Variants in IQCM observed in about 807,000 individuals in gnomAD.
IQCM encodes the protein IQ motif containing M, also known as IQ domain-containing protein M.
IQCM carries 45 observed loss-of-function variants against 57.6 expected under a neutral mutation model. The ratio of observed to expected loss-of-function variants is 0.78; its 90% confidence interval spans 0.62 to 1.00. The LOEUF (loss-of-function observed/expected upper bound fraction) is 1.00. Among genes scored for constraint, IQCM ranks in the 50% least tolerant of loss-of-function variants. IQCM has a pLI of 0.00. For synonymous variants in IQCM, 148 were observed against 158.9 expected, an observed-to-expected ratio of 0.93 and a Z score of 0.51; for missense variants, 468 against 511.6, an observed-to-expected ratio of 0.91 and a Z score of 0.82.
chr4:149,545,803 G>GA (rs201963152), intron 12 of IQCM, among the ~76,000 whole-genome samples: 1,656 of 144,410 alleles, frequency 0.011, 16 homozygotes, highest in Non-Finnish European at 0.018. Flanking sequence ...CAAATGAATG[G>GA]AAAAAAAAAG....
At chr4:149,388,076 C>T (rs1052819919) in intron 13 of IQCM, among the ~76,000 whole-genome samples, 8 of 151,958 alleles carry the variant, frequency 5.3e-5, no homozygotes, top group African/African-American at 1.9e-4. Flanking sequence ...TTGTGTTTAT[C>T]CATTCTTCAG....
intron 2 of IQCM, among the ~76,000 whole-genome samples, chr4:149,753,320 C>A (rs537951206): frequency 2.4e-4 from 37 of 151,768 alleles, no homozygotes; most frequent in Non-Finnish European, 8.8e-5. Flanking sequence ...GAGGAGGAAA[C>A]CATCTCTCTA....
At chr4:149,629,387 A>G (rs1017941467) in intron 7 of IQCM, among the ~76,000 whole-genome samples, 2 of 152,188 alleles carry the variant, frequency 1.3e-5, no homozygotes, top group African/African-American at 4.8e-5. Context: ...TGGCTTGAAC[A>G]TGTACCGAGA....
chr4:149,412,106 A>C (rs1733431063), intron 13 of IQCM, among the ~76,000 whole-genome samples: 2 of 150,516 alleles, frequency 1.3e-5, no homozygotes, highest in Non-Finnish European at 3.0e-5. Flanking sequence ...AAAATTCTTC[A>C]GTCTTCCCAC....
chr4:149,804,312 C>A (rs958275443), intron 2 of IQCM, among the ~76,000 whole-genome samples: 2 of 151,986 alleles, frequency 1.3e-5, no homozygotes, highest in Non-Finnish European at 2.9e-5. Flanking sequence ...AGTATGGGGG[C>A]CTTCCTTAAG....
intron 2 of IQCM, among the ~76,000 whole-genome samples, chr4:149,802,564 C>G (rs191091048): frequency 2.0e-4 from 31 of 152,026 alleles, no homozygotes; most frequent in African/African-American, 6.5e-4. Flanking sequence ...CTGCTTGTAA[C>G]AAAAGCTAAT....
chr4:149,767,770 T>C (rs1770195476), intron 2 of IQCM, among the ~76,000 whole-genome samples: 1 of 152,096 alleles, frequency 6.6e-6, no homozygotes. Context: ...ATCACTCTTA[T>C]CATTAACATG....
intron 2 of IQCM, among the ~76,000 whole-genome samples, chr4:149,789,064 G>GGTAA (rs1424464986): frequency 1.3e-5 from 2 of 152,084 alleles, no homozygotes; most frequent in African/African-American, 2.4e-5. Context: ...AGATAGAAAG[G>GGTAA]GTAAGGTTTA....
intron 5 of IQCM, among the ~76,000 whole-genome samples, chr4:149,690,604 T>C (rs1325606689): frequency 1.3e-5 from 2 of 152,050 alleles, no homozygotes; most frequent in Non-Finnish European, 2.9e-5. Flanking sequence ...ATAAAACATA[T>C]GGGAAAATGT....
intron 7 of IQCM, among the ~76,000 whole-genome samples, chr4:149,659,528 T>C (rs1759973294): frequency 6.6e-6 from 1 of 152,072 alleles, no homozygotes; most frequent in African/African-American, 2.4e-5. Flanking sequence ...GCCAAGTCAA[T>C]CCTAAGCCAA....
chr4:149,355,021 T>C (rs1728859611), intron 13 of IQCM, among the ~76,000 whole-genome samples: 1 of 152,116 alleles, frequency 6.6e-6, no homozygotes, highest in African/African-American at 2.4e-5. Context: ...AGCTTATTAA[T>C]TTAAAAACAG....
chr4:149,569,856 C>A (rs1048822842), intron 9 of IQCM, among the ~76,000 whole-genome samples: 1 of 151,982 alleles, frequency 6.6e-6, no homozygotes, highest in African/African-American at 2.4e-5. Flanking sequence ...AATTAATTAT[C>A]TAGAACTGAA....
At chr4:149,358,872 AT>A (rs1478321276) in intron 13 of IQCM, among the ~76,000 whole-genome samples, 9 of 152,100 alleles carry the variant, frequency 5.9e-5, no homozygotes, top group Non-Finnish European at 1.3e-4. Flanking sequence ...TCTCATGAGT[AT>A]ATCATGAGAC....
intron 9 of IQCM, among the ~76,000 whole-genome samples, chr4:149,572,844 C>T (rs2149963681): frequency 6.6e-6 from 1 of 151,944 alleles, no homozygotes; most frequent in East Asian, 1.9e-4. Flanking sequence ...CCCTGTGAAC[C>T]TATAAAATTC....
chr4:149,429,174 T>C lies in IQCM; in HGVS notation c.1390+4222A>G, dbSNP rs568177569. ...AAAAATTTGCCAAAGTCACAAAAGC[T>C]TAACGAAGGAGAGAAACAAGTTGAG... On this transcript the variant is annotated intron_variant, in intron 13 of 13. Transcript: ENST00000636793. Among the ~76,000 whole-genome samples the C allele has an allele frequency of 5.1e-4, 78 of 151,912 alleles. 1 individual carries two copies. The highest frequency in any genetic ancestry group is 1.8e-3 in the African/African-American group (73 of 41,494).
chr4:149,599,116 A>T (rs1296290687), intron 8 of IQCM, among the ~76,000 whole-genome samples: 1 of 152,168 alleles, frequency 6.6e-6, no homozygotes, highest in Non-Finnish European at 1.5e-5. Flanking sequence ...CATATAAAAG[A>T]ATGCTTGTAG....
At chr4:149,440,075 G>A (rs1396990124) in intron 12 of IQCM, among the ~76,000 whole-genome samples, 1 of 146,450 alleles carries the variant, frequency 6.8e-6, no homozygotes, top group Non-Finnish European at 1.5e-5. Flanking sequence ...TCCTGCATCA[G>A]CCTCCCGAGT....
intron 7 of IQCM, among the ~76,000 whole-genome samples, chr4:149,655,805 A>G (rs1240718607): frequency 6.6e-6 from 1 of 152,158 alleles, no homozygotes; most frequent in Admixed American, 6.6e-5. Flanking sequence ...TTAGTTCATA[A>G]CTAAACTAAA....
chr4:149,543,901 A>G (rs574393046), intron 12 of IQCM, among the ~76,000 whole-genome samples: 2 of 152,318 alleles, frequency 1.3e-5, no homozygotes, highest in East Asian at 3.9e-4. Flanking sequence ...GCTTCTACAA[A>G]TAGGTGAACA....
Sources: allele counts gnomAD v4.1 joint callset (sites outside exome capture counted in the v4.1 genomes callset), GRCh38; gene constraint gnomAD v4.1.1; transcripts MANE v1.5; gene names NCBI Gene and HGNC (gene_info 2026-07-23, HGNC 2026-07-21).